The following ACTR2 variants were observed in gnomAD, a reference collection of about 807,000 sequenced individuals.
ACTR2 encodes the protein actin related protein 2, also known as actin-related protein 2.
A neutral mutation model predicts 50.2 loss-of-function variants in ACTR2; 5 were observed. The ratio of observed to expected loss-of-function variants is 0.10; its 90% CI spans 0.05 to 0.21. ACTR2 has a LOEUF of 0.21. Ranked by LOEUF, ACTR2 falls within the 10% of genes least tolerant of loss-of-function variation. ACTR2 has a pLI of 1.00. For missense variants in ACTR2, 180 were observed against 480.6 expected (o/e 0.37, Z 5.85); for synonymous variants, 140 against 162.9 (o/e 0.86, Z 1.07).
chr2:65,246,166 G>A (rs988775225), intron 2 of ACTR2: 1 of 164,104 alleles, frequency 6.1e-6, no homozygotes, highest in African/African-American at 2.4e-5. Flanking sequence ...CCCCTGATGT[G>A]CTATTTCACA....
intron 1 of ACTR2, chr2:65,228,275 G>C (rs1671568544): frequency 6.3e-6 from 2 of 315,242 alleles, no homozygotes. Context: ...GGGCTAAAGC[G>C]GACGGAAGCG....
chr2:65,261,241 T>C lies in ACTR2; in HGVS notation c.736-6T>C. 1 of 1,613,904 alleles carries C rather than the reference T, an allele frequency of 6.2e-7. No homozygotes were observed. The highest frequency in any genetic ancestry group is 8.5e-7 in the Non-Finnish European group (1 of 1,179,962). On this transcript the variant is annotated splice_polypyrimidine_tract_variant and splice_region_variant and intron_variant, in intron 6 of 8. Transcript: ENST00000260641. ...TGATTAGTACCTGATTATTCTTGGT[T>C]TCTAGCTCCCAGATGGACGTATCAT...
At position 65,266,992 on chromosome 2, in the gene ACTR2, C is replaced by T. The variant is rs1000223679; in HGVS notation, c.1015-1572C>T. On this transcript the variant is annotated intron_variant, in intron 8 of 8. Transcript: ENST00000260641. ...GGGGCTATGGAGTTTTAGGGATGAGCGAGATAGAAGCAGCAATGAAGAGCA... is the reference window on the plus strand; with the variant it reads ...GGGGCTATGGAGTTTTAGGGATGAGTGAGATAGAAGCAGCAATGAAGAGCA... 4.6e-5 allele frequency among the ~76,000 whole-genome samples: 7 copies of T among 151,982 alleles called. No homozygotes were observed. The East Asian group carries it at 7.7e-4, about 17-fold the overall frequency.
At chr2:65,229,697 AGTGAGCCGAGATCG>A (rs1671598415) in intron 1 of ACTR2, among the ~76,000 whole-genome samples, 3 of 145,658 alleles carry the variant, frequency 2.1e-5, no homozygotes, top group African/African-American at 7.7e-5. Flanking sequence ...CGGAGGTTGC[AGTGAGCCGAGATCG>A]CACCACTCCA....
chr2:65,262,734 T>G (rs1672292251), intron 7 of ACTR2, among the ~76,000 whole-genome samples: 1 of 151,868 alleles, frequency 6.6e-6, no homozygotes, highest in African/African-American at 2.4e-5. Context: ...AGGTGGGAGG[T>G]TTGCTTAAGC....
intron 7 of ACTR2, among the ~76,000 whole-genome samples, chr2:65,264,014 C>T (rs1672327150): frequency 6.6e-6 from 1 of 152,134 alleles, no homozygotes; most frequent in Non-Finnish European, 1.5e-5. Context: ...GAGATCGCAC[C>T]ACTGCTCTCC....
At chr2:65,241,338 A>G (rs1188461694) in intron 2 of ACTR2, among the ~76,000 whole-genome samples, 1 of 152,210 alleles carries the variant, frequency 6.6e-6, no homozygotes, top group African/African-American at 2.4e-5. Flanking sequence ...ATGTATAGCC[A>G]TAAATTTATT....
At chr2:65,253,084 G>A (rs1232733013) in intron 4 of ACTR2, among the ~76,000 whole-genome samples, 1 of 152,076 alleles carries the variant, frequency 6.6e-6, no homozygotes, top group African/African-American at 2.4e-5. Context: ...CACAGTATAT[G>A]TTATTTGTAG....
intron 2 of ACTR2, among the ~76,000 whole-genome samples, chr2:65,244,225 G>T (rs557692031): frequency 6.6e-6 from 1 of 152,162 alleles, no homozygotes; most frequent in African/African-American, 2.4e-5. Flanking sequence ...GTAAATTTCT[G>T]TTGAAATCAG....
chr2:65,262,168 A>C (rs13019636), intron 7 of ACTR2, among the ~76,000 whole-genome samples: 23 of 151,952 alleles, frequency 1.5e-4, no homozygotes, highest in Non-Finnish European at 2.9e-4. Flanking sequence ...ATATATTCTC[A>C]CATTCTATAG....
chr2:65,262,586 G>A (rs1319426440), intron 7 of ACTR2, among the ~76,000 whole-genome samples: 5 of 151,968 alleles, frequency 3.3e-5, no homozygotes, highest in African/African-American at 1.2e-4. Context: ...TCTGGCAATT[G>A]TATCGTTTAT....
intron 1 of ACTR2, among the ~76,000 whole-genome samples, chr2:65,237,702 CT>C (rs1198080187): frequency 2.0e-5 from 3 of 152,038 alleles, no homozygotes; most frequent in Admixed American, 2.0e-4. Context: ...AATTTTAAAA[CT>C]TACGCTAGGC....
At chr2:65,240,596 C>A (rs548596954) in intron 2 of ACTR2, among the ~76,000 whole-genome samples, 2 of 152,054 alleles carry the variant, frequency 1.3e-5, no homozygotes, top group Non-Finnish European at 2.9e-5. Flanking sequence ...AAAAGACGAT[C>A]GATTTTTCTC....
At chr2:65,265,348 G>A in intron 8 of ACTR2, 173 bp downstream of exon 8, 1 of 783,244 alleles carries the variant, frequency 1.3e-6, no homozygotes, top group Non-Finnish European at 2.1e-6. Context: ...ATAAGCTCTG[G>A]TCACCTCTAT....
At chr2:65,261,112 T>C (rs1672261076) in intron 6 of ACTR2, 135 bp from the exon 7 acceptor site, 2 of 821,288 alleles carry the variant, frequency 2.4e-6, no homozygotes, top group South Asian at 3.9e-5. Flanking sequence ...TTTCCCCAAA[T>C]ATATTTTAGG....
At position 65,270,401 on chromosome 2, in the gene ACTR2, A is replaced by G. The variant is rs570410741; in HGVS notation, c.*1667A>G. On this transcript the variant is annotated 3_prime_UTR_variant, in exon 9 of 9. Transcript: ENST00000260641. ...GTCTGTTTTACCTCAATTTGAACAG[A>G]TAAGTTTGCCTGCATGCTGGACATG... is the stretch of plus-strand genomic sequence containing the variant. 1.3e-5 allele frequency: 2 copies of G among 152,754 alleles called. No homozygotes were observed. Among genetic ancestry groups the G allele is most frequent in the East Asian group, 1.9e-4 (1 of 5,188 alleles). The allele number at this position is 152,754 out of a possible 1,614,324, so 9.5% of individuals were successfully genotyped here. A position where few individuals can be genotyped will look rare whatever the true frequency, so the allele number is the denominator to read the frequency against.
At chr2:65,249,133 CTTTT>C (rs768112932) in intron 3 of ACTR2, among the ~76,000 whole-genome samples, 1 of 152,100 alleles carries the variant, frequency 6.6e-6, no homozygotes, top group Non-Finnish European at 1.5e-5. Context: ...TTTCAAGGTT[CTTTT>C]ATTTTTGTAT....
intron 4 of ACTR2, among the ~76,000 whole-genome samples, chr2:65,253,431 G>A (rs1473184239): frequency 2.6e-5 from 4 of 151,522 alleles, no homozygotes; most frequent in African/African-American, 7.3e-5. Flanking sequence ...GGGTGACAGA[G>A]CCAGACCCTG....
intron 1 of ACTR2, among the ~76,000 whole-genome samples, chr2:65,231,729 C>G (rs569626337): frequency 6.6e-6 from 1 of 152,298 alleles, no homozygotes; most frequent in East Asian, 1.9e-4. Context: ...TTTAACCTCT[C>G]TGGCAGACCC....
Sources: gnomAD v4.1 joint callset for allele counts (sites outside exome capture counted in the v4.1 genomes callset) on GRCh38, gnomAD v4.1.1 for gene constraint, MANE v1.5 for transcripts, NCBI Gene and HGNC (gene_info 2026-07-23, HGNC 2026-07-21) for gene names.